The following SYTL2 variants were observed in gnomAD, a reference collection of about 807,000 sequenced individuals.
The protein encoded by SYTL2 is synaptotagmin like 2.
SYTL2 carries 165 observed loss-of-function variants against 198.7 expected under a neutral mutation model. That is an observed-to-expected ratio of 0.83 (90% CI 0.73 to 0.94). The LOEUF (loss-of-function observed/expected upper bound fraction) is 0.94, where lower values mean the gene tolerates loss of function less well. Ranked by LOEUF, SYTL2 falls within the 40% of genes least tolerant of loss-of-function variation. SYTL2 has a pLI of 0.00. For missense variants in SYTL2, 2,835 were observed against 2,582.8 expected (o/e 1.10, Z -2.12); for synonymous variants, 966 against 917.7 (o/e 1.05, Z -0.95).
At chr11:85,849,555 A>T in the SYTL2 span, among the ~76,000 whole-genome samples, 3 of 151,994 alleles carry the variant, frequency 2.0e-5, no homozygotes, top group Non-Finnish European at 2.9e-5. Flanking sequence ...TCCTTTCCCC[A>T]TTGCTTGTTT....
intron 18 of SYTL2, among the ~76,000 whole-genome samples, chr11:85,696,890 C>A (rs1413448472): frequency 1.3e-5 from 2 of 152,164 alleles, no homozygotes; most frequent in Non-Finnish European, 2.9e-5. Flanking sequence ...GAAGAGAAAC[C>A]TCTCCAAATT....
chr11:85,792,265 A>G (rs1479958027), intron 1 of SYTL2, among the ~76,000 whole-genome samples: 1 of 152,046 alleles, frequency 6.6e-6, no homozygotes, highest in Non-Finnish European at 1.5e-5. Flanking sequence ...GGGCTCTGCC[A>G]ATAGAGTTCT....
At chr11:85,841,861 T>C in the SYTL2 span, among the ~76,000 whole-genome samples, 2 of 152,354 alleles carry the variant, frequency 1.3e-5, no homozygotes, top group African/African-American at 2.4e-5. Context: ...TTTATGTGAA[T>C]TCAGATGTCA....
chr11:85,704,836 A>C (rs756834747), intron 16 of SYTL2, 22 bp downstream of exon 16: 20 of 1,607,730 alleles, frequency 1.2e-5, no homozygotes, highest in Non-Finnish European at 1.6e-5. Context: ...CCAAATAAAC[A>C]AACAAAAAAT....
chr11:85,828,083 T>G, the SYTL2 span, among the ~76,000 whole-genome samples: 1 of 152,168 alleles, frequency 6.6e-6, no homozygotes, highest in Non-Finnish European at 1.5e-5. Flanking sequence ...CCTACTAGAT[T>G]GTCTTCTAAA....
chr11:85,770,350 G>T (rs2092330258), intron 1 of SYTL2, among the ~76,000 whole-genome samples: 1 of 152,066 alleles, frequency 6.6e-6, no homozygotes, highest in South Asian at 2.1e-4. Flanking sequence ...CATGTAGGCG[G>T]ATGTAATTTT....
intron 2 of SYTL2, among the ~76,000 whole-genome samples, chr11:85,750,477 T>C (rs1477153597): frequency 6.6e-6 from 1 of 152,156 alleles, no homozygotes; most frequent in Non-Finnish European, 1.5e-5. Context: ...GTTTCTCCTT[T>C]TCCATTGCTC....
At chr11:85,772,301 C>A (rs185035329) in intron 1 of SYTL2, among the ~76,000 whole-genome samples, 1 of 152,176 alleles carries the variant, frequency 6.6e-6, no homozygotes, top group Non-Finnish European at 1.5e-5. Flanking sequence ...GCTTTTACTT[C>A]GCCTATCTTC....
chr11:85,779,644 T>TC (rs1007727134), intron 1 of SYTL2, among the ~76,000 whole-genome samples: 1 of 151,860 alleles, frequency 6.6e-6, no homozygotes, highest in African/African-American at 2.4e-5. Context: ...AGTGTTTTTT[T>TC]TTTTCCCTAG....
intron 12 of SYTL2, among the ~76,000 whole-genome samples, chr11:85,713,162 TAC>T (rs780016179): frequency 6.2e-4 from 94 of 152,350 alleles, no homozygotes; most frequent in Non-Finnish European, 1.1e-3. Flanking sequence ...TATTTGCAGA[TAC>T]AGTTCATCAA....
At chr11:85,845,782 G>A in the SYTL2 span, among the ~76,000 whole-genome samples, 1 of 152,130 alleles carries the variant, frequency 6.6e-6, no homozygotes, top group Non-Finnish European at 1.5e-5. Flanking sequence ...CGGGCATGGT[G>A]GCAGGCACCT....
chr11:85,750,241 A>T (rs975025332), intron 2 of SYTL2, among the ~76,000 whole-genome samples: 1 of 152,204 alleles, frequency 6.6e-6, no homozygotes, highest in Non-Finnish European at 1.5e-5. Context: ...TTTAAGGATC[A>T]GGGAAAATAA....
intron 1 of SYTL2, among the ~76,000 whole-genome samples, chr11:85,777,781 G>A (rs1348035797): frequency 3.6e-5 from 5 of 137,696 alleles, no homozygotes; most frequent in African/African-American, 1.3e-4. Flanking sequence ...GAATCCTAAG[G>A]TTTCACTTAC....
intron 17 of SYTL2, among the ~76,000 whole-genome samples, chr11:85,698,323 T>C (rs1423556608): frequency 6.6e-6 from 1 of 152,202 alleles, no homozygotes; most frequent in South Asian, 2.1e-4. Flanking sequence ...CATTAGCACA[T>C]CATTCATTTG....
rs1417514114 is a variant in SYTL2, at chr11:85,726,876, G to T, written c.2482C>A (p.Gln828Lys). ...ACACCCTGTGACTTCTTCACAGGCT[G>T]ATATGCTTTAGCAGAAGGTTGTTCC... ...SQEQPSAKAY[Q>K]PVKKSQGVSS... The change falls in exon 8 of 20, where the codon CAG (glutamine) becomes AAG (lysine). Residue 828 changes from glutamine to lysine, a missense_variant. By Grantham distance (53) the Gln-to-Lys change is moderately conservative. Transcript: ENST00000359152. 3.3e-6 allele frequency: 5 copies of T among 1,536,640 alleles called. No individual in the cohort carries two copies. The Admixed American group carries it at 9.8e-5, about 30-fold the overall frequency.
chr11:85,764,142 A>G (rs1303497919), intron 1 of SYTL2, among the ~76,000 whole-genome samples: 2 of 152,100 alleles, frequency 1.3e-5, no homozygotes, highest in Admixed American at 1.3e-4. Context: ...ACCCCATTTA[A>G]TTTATTCTCC....
intron 7 of SYTL2, among the ~76,000 whole-genome samples, chr11:85,732,702 C>T (rs1233089491): frequency 6.6e-6 from 1 of 152,078 alleles, no homozygotes; most frequent in Non-Finnish European, 1.5e-5. Context: ...TGTAACAAAC[C>T]TGCACGTTCT....
At chr11:85,822,064 T>C in the SYTL2 span, among the ~76,000 whole-genome samples, 2 of 152,314 alleles carry the variant, frequency 1.3e-5, no homozygotes, top group Non-Finnish European at 2.9e-5. Context: ...TTATACCAAA[T>C]TCATTGAATC....
chr11:85,783,455 A>G (rs2092593246), intron 1 of SYTL2, among the ~76,000 whole-genome samples: 1 of 152,200 alleles, frequency 6.6e-6, no homozygotes. Flanking sequence ...CATATAAAAC[A>G]CTTTGATTTT....
Sources: allele counts gnomAD v4.1 joint callset (sites outside exome capture counted in the v4.1 genomes callset), GRCh38; gene constraint gnomAD v4.1.1; transcripts MANE v1.5; gene names NCBI Gene and HGNC (gene_info 2026-07-23, HGNC 2026-07-21).